The following IRF2BPL variants were observed in gnomAD, a reference collection of about 807,000 sequenced individuals.
IRF2BPL encodes probable E3 ubiquitin-protein ligase IRF2BPL.
Under a neutral mutation model 51.2 loss-of-function variants are expected in IRF2BPL, and 13 were observed. The observed-to-expected ratio is 0.25, with a 90% CI of 0.17 to 0.40. IRF2BPL has a LOEUF of 0.40. Ranked by LOEUF, IRF2BPL falls within the 10% of genes least tolerant of loss-of-function variation. The pLI is 1.00. For synonymous variants in IRF2BPL, 768 were observed against 509.2 expected (o/e 1.51, Z -6.84); for missense variants, 1,210 against 1,111.8 (o/e 1.09, Z -1.26).
In IRF2BPL at chr14:77,027,015, T is replaced by C. The variant is rs1324994514; in HGVS notation, c.778A>G (p.Thr260Ala). 1.3e-6 allele frequency: 2 copies of C among 1,522,594 alleles called. No individual in the cohort carries two copies. Among genetic ancestry groups the C allele is most frequent in the African/African-American group, 2.8e-5 (2 of 72,522 alleles). 94.3% of individuals were successfully genotyped at this position (1,522,594 alleles called of 1,614,324 possible). A position where few individuals can be genotyped will look rare whatever the true frequency, so the allele number is the denominator to read the frequency against. ...GCGCTGGCCGGGCCGTTAAGCAGCG[T>C]CTGCGGTAGCAGGTTGGGGGGCACG... Reference protein sequence around the residue: ...LTVPPNLLPQTLLNGPASAAV... With the variant: ...LTVPPNLLPQALLNGPASAAV... Residue 260 changes from threonine (T) to alanine (A), a missense_variant, in exon 1 of 1, where the codon ACG becomes GCG. Physicochemically the swap from Thr to Ala is moderately conservative, Grantham distance 58 (BLOSUM62 0). Transcript: ENST00000238647.
At position 77,026,867 on chromosome 14, in the gene IRF2BPL, G is replaced by A. The variant is rs1015600564; in HGVS notation, c.926C>T (p.Ser309Leu). 1.1e-5 allele frequency: 18 copies of A among 1,587,448 alleles called. No homozygotes were observed. In the African/African-American group the frequency reaches 1.6e-4, roughly 14 times the overall value. The change falls in exon 1 of 1, where the codon TCG becomes TTG. Residue 309 changes from serine to leucine, a missense_variant. Transcript: ENST00000238647. ...LGGTPGVSAT[S>L]SSASSSTSSS... ...AGAGGTCGAAGACGACGCGGAGGACGACGTGGCCGATACACCCGGGGTACC... is the reference window on the plus strand; with the variant it reads ...AGAGGTCGAAGACGACGCGGAGGACAACGTGGCCGATACACCCGGGGTACC...
chr14:77,027,176 T>C lies in IRF2BPL; in HGVS notation c.617A>G (p.Glu206Gly). 1.2e-6 allele frequency: 2 copies of C among 1,612,484 alleles called. No homozygotes were observed. The highest frequency in any genetic ancestry group is 1.7e-6 in the Non-Finnish European group (2 of 1,179,426). Reference sequence around the variant, plus strand: ...CTGACGGTTCAGCTCTGGGGGTCCCTCCTCTGGTGTTGGTTTGGGGAAGCC... The same window carrying C: ...CTGACGGTTCAGCTCTGGGGGTCCCCCCTCTGGTGTTGGTTTGGGGAAGCC... ...PNGFPKPTPE[E>G]GPPELNRQSP... Residue 206 changes from glutamate (E) to glycine (G), a missense_variant, in exon 1 of 1, where the codon GAG becomes GGG. Physicochemically the swap from Glu to Gly is moderately conservative, Grantham distance 98 (BLOSUM62 -2). Transcript: ENST00000238647.
chr14:77,026,314 G>A lies in IRF2BPL; in HGVS notation c.1479C>T (p.Asp493=), dbSNP rs745353510. Residue 493 remains aspartate, a synonymous_variant, in exon 1 of 1, where the codon GAC becomes GAT. Coordinates refer to ENST00000238647, the MANE Select transcript of IRF2BPL (RefSeq NM_024496.4). ...CGTCCAGGTAGGGCTGGGGCAGCAT[G>A]TCGGCGCCGGGCACGCCCTCCTTGA... ...RFFKEGVPGA[D]MLPQPYLDAS... 4 of 1,557,586 alleles carry A rather than the reference G, an allele frequency of 2.6e-6. No individual in the cohort carries two copies. In the African/African-American group the frequency reaches 4.1e-5, roughly 16 times the overall value.
Position 77,026,766 on chromosome 14 carries a change from C to T in IRF2BPL, c.1027G>A (p.Glu343Lys), listed in dbSNP as rs1365173227. ...GCGTTGCGCTGCTTCTCCTTCAACT[C>T]GCGCTCCTGGTCTGTGCTCGACACC... The part of the protein sequence containing the change: ...GSVSSTDQER[E>K]LKEKQRNAEA... The change falls in exon 1 of 1, where the codon GAG becomes AAG. Residue 343 changes from glutamate to lysine, a missense_variant. Transcript: ENST00000238647. 2.5e-6 allele frequency: 4 copies of T among 1,612,606 alleles called. No individual in the cohort carries two copies. Among genetic ancestry groups the T allele is most frequent in the Non-Finnish European group, 3.4e-6 (4 of 1,179,828 alleles).
Position 77,027,989 on chromosome 14 carries a change from G to T in IRF2BPL, c.-197C>A, listed in dbSNP as rs554652708. The T allele has an allele frequency of 3.4e-6, 2 of 591,958 alleles. No individual in the cohort carries two copies. Among genetic ancestry groups the T allele is most frequent in the South Asian group, 2.8e-5 (1 of 36,338 alleles). 36.7% of individuals were successfully genotyped at this position (591,958 alleles called of 1,614,324 possible). On this transcript the variant is annotated 5_prime_UTR_variant, in exon 1 of 1. Transcript: ENST00000238647. ...AGCGCCTCGCCGTGGGGGCTCCACC[G>T]CCCGGGCAGCGGACGGGTTCAGCCC...
In IRF2BPL at chr14:77,028,524, G is replaced by A; in HGVS notation, c.-732C>T. On this transcript the variant is annotated 5_prime_UTR_variant, in exon 1 of 1. Transcript: ENST00000238647. The stretch of plus-strand genomic sequence containing the variant: ...CCCGCCGCCCCCAGGCCTGGCCGGC[G>A]CCCGGGCCGCCGCGGCTGGCGGCGC... The A allele has an allele frequency of 2.9e-6, 1 of 344,574 alleles. No individual in the cohort carries two copies. Among genetic ancestry groups the A allele is most frequent in the Non-Finnish European group, 5.2e-6 (1 of 190,996 alleles). The allele number at this position is 344,574 out of a possible 1,614,324, so 21.3% of individuals were successfully genotyped here.
Position 77,027,230 on chromosome 14 carries a change from C to G in IRF2BPL, c.563G>C (p.Arg188Pro). ...VSLGSSSHTA[R>P]LPNGLGGPNG... Reference sequence around the variant, plus strand: ...TGGGCCCCCCAGGCCGTTGGGCAGTCGCGCGGTGTGGCTGCTGCTTCCCAG... The same window carrying G: ...TGGGCCCCCCAGGCCGTTGGGCAGTGGCGCGGTGTGGCTGCTGCTTCCCAG... The change falls in exon 1 of 1, where the codon CGA becomes CCA. Residue 188 changes from arginine (R) to proline (P), a missense_variant. Transcript: ENST00000238647. The G allele has an allele frequency of 6.2e-7, 1 of 1,602,538 alleles. No homozygotes were observed. Among genetic ancestry groups the G allele is most frequent in the Non-Finnish European group, 8.5e-7 (1 of 1,175,052 alleles).
In IRF2BPL at chr14:77,027,392, G is replaced by A; in HGVS notation, c.401C>T (p.Ser134Phe). ...GGCCGCCAGCACCGCAGGCTTGCTG[G>A]AACCATCAACGTGGTTGAGCTGTTG... ...QQQQLNHVDG[S>F]SKPAVLAAPS... The change falls in exon 1 of 1, where the codon TCC (serine) becomes TTC (phenylalanine). Residue 134 changes from serine to phenylalanine, a missense_variant. Physicochemically the swap from Ser to Phe is radical, Grantham distance 155. Transcript: ENST00000238647. The A allele has an allele frequency of 6.7e-7, 1 of 1,486,222 alleles. No homozygotes were observed. The highest frequency in any genetic ancestry group is 8.9e-7 in the Non-Finnish European group (1 of 1,119,922). 92.1% of individuals were successfully genotyped at this position (1,486,222 alleles called of 1,614,324 possible).
In IRF2BPL at chr14:77,025,653, A is replaced by G; in HGVS notation, c.2140T>C (p.Cys714Arg). 1 of 1,570,370 alleles carries G rather than the reference A, an allele frequency of 6.4e-7. No individual in the cohort carries two copies. The highest frequency in any genetic ancestry group is 8.7e-7 in the Non-Finnish European group (1 of 1,155,242). Residue 714 changes from cysteine (C) to arginine (R), a missense_variant, in exon 1 of 1, where the codon TGC (cysteine) becomes CGC (arginine). Transcript: ENST00000238647. ...AAACGTTCGTGGCAAATGGTGCAGCAGAGGGGTCCGCTGTTGGCCATGGGG... is the reference window on the plus strand; with the variant it reads ...AAACGTTCGTGGCAAATGGTGCAGCGGAGGGGTCCGCTGTTGGCCATGGGG... ...DSPMANSGPLCCTICHERLED... is the reference protein window; with the variant it reads ...DSPMANSGPLRCTICHERLED...
In IRF2BPL at chr14:77,027,544, CAGGGCCACTGTCTTGACCCCGACG is replaced by C; in HGVS notation, c.225_248del (p.Val76_Leu83del). 1.4e-6 allele frequency: 1 copy of C among 732,612 alleles called. No homozygotes were observed. Among genetic ancestry groups the C allele is most frequent in the Non-Finnish European group, 1.7e-6 (1 of 583,874 alleles). The allele number at this position is 732,612 out of a possible 1,614,324, so 45.4% of individuals were successfully genotyped here. A position where few individuals can be genotyped will look rare whatever the true frequency, so the allele number is the denominator to read the frequency against. On this transcript the variant is annotated inframe_deletion, in exon 1 of 1. Coordinates refer to ENST00000238647, the MANE Select transcript of IRF2BPL (RefSeq NM_024496.4). ...CCGCCGCCGCCGCTTCCTTAGCCGACAGGGCCACTGTCTTGACCCCGACGGGCGGCGGCGGCCCGGGGGAGCGGC... is the reference window on the plus strand; with the variant it reads ...CCGCCGCCGCCGCTTCCTTAGCCGACGGCGGCGGCGGCCCGGGGGAGCGGC...
chr14:77,027,380 G>A lies in IRF2BPL; in HGVS notation c.413C>T (p.Ala138Val), dbSNP rs1165807280. 2 of 1,489,430 alleles carry A rather than the reference G, an allele frequency of 1.3e-6. No individual in the cohort carries two copies. The highest frequency in any genetic ancestry group is 1.8e-6 in the Non-Finnish European group (2 of 1,122,086). The allele number at this position is 1,489,430 out of a possible 1,614,324, so 92.3% of individuals were successfully genotyped here. ...CAGGCCAGACGGGGCCGCCAGCACC[G>A]CAGGCTTGCTGGAACCATCAACGTG... ...LNHVDGSSKP[A>V]VLAAPSGLER... Residue 138 changes from alanine (A) to valine (V), a missense_variant, in exon 1 of 1, where the codon GCG becomes GTG. By Grantham distance (64) the Ala-to-Val change is moderately conservative. Coordinates refer to ENST00000238647, the MANE Select transcript of IRF2BPL (RefSeq NM_024496.4).
Position 77,025,323 on chromosome 14 carries a change from G to A in IRF2BPL, c.*79C>T. ...ACACCTTGGGGGTGAGGGGAGGGAG[G>A]GTCGAGTTGGGTTGGGGGAGGGGCC... is the stretch of plus-strand genomic sequence containing the variant. On this transcript the variant is annotated 3_prime_UTR_variant, in exon 1 of 1. Coordinates refer to ENST00000238647, the MANE Select transcript of IRF2BPL (RefSeq NM_024496.4). 5 of 1,004,276 alleles carry A rather than the reference G, an allele frequency of 5.0e-6. 1 individual carries two copies. Among genetic ancestry groups the A allele is most frequent in the Non-Finnish European group, 7.2e-6 (5 of 692,326 alleles). 62.2% of individuals were successfully genotyped at this position (1,004,276 alleles called of 1,614,324 possible).
Position 77,027,529 on chromosome 14 carries a change from C to CGCCGCCGCA in IRF2BPL, c.263_264insTGCGGCGGC (p.Ala100_Ala102dup), listed in dbSNP as rs1885188863. 1 of 712,440 alleles carries CGCCGCCGCA rather than the reference C, an allele frequency of 1.4e-6. No homozygotes were observed. 44.1% of individuals were successfully genotyped at this position (712,440 alleles called of 1,614,324 possible). ...CCGCCGCTGCTGCCGCCGCCGCCGC[C>CGCCGCCGCA]GCTTCCTTAGCCGACAGGGCCACTG... On this transcript the variant is annotated inframe_insertion, in exon 1 of 1. Coordinates refer to ENST00000238647, the MANE Select transcript of IRF2BPL (RefSeq NM_024496.4).
Position 77,026,221 on chromosome 14 carries a change from G to A in IRF2BPL, c.1572C>T (p.Thr524=), listed in dbSNP as rs1317039797. The change falls in exon 1 of 1, where the codon ACC becomes ACT. Residue 524 remains threonine, a synonymous_variant. Coordinates refer to ENST00000238647, the MANE Select transcript of IRF2BPL (RefSeq NM_024496.4). ...ACGGCGCGGCGGGCGGCAAGGCCCC[G>A]GTCCCCGGGGGTGCGCTGGGGGCGC... ...LSRAPSAPPG[T]GALPPAAPSG... is the part of the protein sequence containing the mutation. 2 of 1,396,012 alleles carry A rather than the reference G, an allele frequency of 1.4e-6. No individual in the cohort carries two copies. The highest frequency in any genetic ancestry group is 1.7e-5 in the South Asian group (1 of 60,276). 86.5% of individuals were successfully genotyped at this position (1,396,012 alleles called of 1,614,324 possible). A position where few individuals can be genotyped will look rare whatever the true frequency, so the allele number is the denominator to read the frequency against.
In IRF2BPL at chr14:77,027,514, TGCCGCCGCC is replaced by T. The variant is rs749636443; in HGVS notation, c.270_278del (p.Ala100_Ala102del). The T allele has an allele frequency of 1.9e-5, 12 of 648,414 alleles. 2 individuals are homozygous for T. Among genetic ancestry groups the T allele is most frequent in the East Asian group, 1.5e-4 (1 of 6,618 alleles). 40.2% of individuals were successfully genotyped at this position (648,414 alleles called of 1,614,324 possible). On this transcript the variant is annotated inframe_deletion, in exon 1 of 1. Transcript: ENST00000238647. ...CGGCGGCGGCGGCGGCCGCCGCTGC[TGCCGCCGCC>T]GCCGCCGCTTCCTTAGCCGACAGGG...
chr14:77,026,078 T>C lies in IRF2BPL; in HGVS notation c.1715A>G (p.Asn572Ser). 1.3e-6 allele frequency: 2 copies of C among 1,569,974 alleles called. No homozygotes were observed. Among genetic ancestry groups the C allele is most frequent in the Non-Finnish European group, 1.7e-6 (2 of 1,163,008 alleles). The change falls in exon 1 of 1, where the codon AAC (asparagine) becomes AGC (serine). Residue 572 changes from asparagine (N) to serine (S), a missense_variant. Transcript: ENST00000238647. ...GGTGAGCTTCAGCGCCTCGCTCTGG[T>C]TCGCCATCCACTGCTGCCTCTGCTG... Reference protein sequence around the residue: ...EEQQRQQWMANQSEALKLTMS... With the variant: ...EEQQRQQWMASQSEALKLTMS...
rs368401774 is a variant in IRF2BPL at position 77,026,878 on chromosome 14, T to C, written c.915A>G (p.Val305=). ...GPACLGGTPG[V]SATSSSASSS... is the part of the protein sequence containing the mutation. ...ACGACGCGGAGGACGACGTGGCCGATACACCCGGGGTACCCCCGAGACAAG... is the reference window on the plus strand; with the variant it reads ...ACGACGCGGAGGACGACGTGGCCGACACACCCGGGGTACCCCCGAGACAAG... The change falls in exon 1 of 1, where the codon GTA becomes GTG. Residue 305 remains valine, a synonymous_variant. Coordinates refer to ENST00000238647, the MANE Select transcript of IRF2BPL (RefSeq NM_024496.4). The C allele has an allele frequency of 1.3e-6, 2 of 1,571,192 alleles. No individual in the cohort carries two copies. The highest frequency in any genetic ancestry group is 1.4e-5 in the African/African-American group (1 of 73,570).
At position 77,026,743 on chromosome 14, in the gene IRF2BPL, G is replaced by T. The variant is rs778182341; in HGVS notation, c.1050C>A (p.Asn350Lys). The T allele has an allele frequency of 1.9e-6, 3 of 1,612,482 alleles. No individual in the cohort carries two copies. Among genetic ancestry groups the T allele is most frequent in the Non-Finnish European group, 2.5e-6 (3 of 1,179,808 alleles). ...QERELKEKQR[N>K]AEALAELSES... ...CGCTCAGCTCGGCCAGGGCCTCGGC[G>T]TTGCGCTGCTTCTCCTTCAACTCGC... The change falls in exon 1 of 1, where the codon AAC becomes AAA. Residue 350 changes from asparagine to lysine, a missense_variant. Physicochemically the swap from Asn to Lys is moderately conservative, Grantham distance 94. Coordinates refer to ENST00000238647, the MANE Select transcript of IRF2BPL (RefSeq NM_024496.4).
At position 77,025,843 on chromosome 14, in the gene IRF2BPL, A is replaced by C. The variant is rs1240945128; in HGVS notation, c.1950T>G (p.Thr650=). ...TGCTGCTGTTTCGCCGCGCCGACGC[A>C]GTGGTAGAGTGCACGGAACTGCCAT... is the stretch of plus-strand genomic sequence containing the variant. ...PKDGSSVHST[T]ASARRNSSSP... The change falls in exon 1 of 1, where the codon ACT becomes ACG. Residue 650 remains threonine, a synonymous_variant. Transcript: ENST00000238647. 5 of 1,612,464 alleles carry C rather than the reference A, an allele frequency of 3.1e-6. No homozygotes were observed. Among genetic ancestry groups the C allele is most frequent in the East Asian group, 2.2e-5 (1 of 44,856 alleles).
Sources: allele counts gnomAD v4.1 joint callset, GRCh38; gene constraint gnomAD v4.1.1; transcripts MANE v1.5; gene names NCBI Gene and HGNC (gene_info 2026-07-23, HGNC 2026-07-21).